The following DCC variants were observed in gnomAD, a reference collection of about 807,000 sequenced individuals.
DCC encodes the protein netrin receptor DCC.
In DCC, 58 loss-of-function variants were observed where a neutral mutation model predicts 172.5. The observed-to-expected ratio is 0.34, with a 90% CI of 0.27 to 0.42. The LOEUF is 0.42. DCC is among the 10% of genes least tolerant of loss of function. The pLI is 1.00. For synonymous variants in DCC, 709 were observed against 644.5 expected (o/e 1.10, Z -1.52); for missense variants, 1,740 against 1,791.0 (o/e 0.97, Z 0.51).
At chr18:53,273,483 C>A (rs757269710) in intron 12 of DCC, among the ~76,000 whole-genome samples, 1 of 152,040 alleles carries the variant, frequency 6.6e-6, no homozygotes, top group Non-Finnish European at 1.5e-5. Flanking sequence ...GAACATATAT[C>A]ATTAAAATCC....
chr18:53,279,889 G>A (rs933539520), intron 12 of DCC, among the ~76,000 whole-genome samples: 2 of 151,992 alleles, frequency 1.3e-5, no homozygotes, highest in Admixed American at 6.6e-5. Flanking sequence ...TAAACATTGA[G>A]TGCACATAGA....
rs114898292 is a variant in DCC, at chr18:53,109,439, T to C, written c.1261+43273T>C. Among the ~76,000 whole-genome samples the C allele has an allele frequency of 7.4e-3, 1,119 of 151,832 alleles. 16 individuals carry two copies. The highest frequency in any genetic ancestry group is 0.025 in the African/African-American group (1,050 of 41,490). On this transcript the variant is annotated intron_variant, in intron 7 of 28. Transcript: ENST00000442544. Reference sequence around the variant, plus strand: ...TTTATTATTTTTTAAAAATATTTTATAGTTTTCTGTGTGCAAGCCTTGCCA... The same window carrying C: ...TTTATTATTTTTTAAAAATATTTTACAGTTTTCTGTGTGCAAGCCTTGCCA...
At chr18:53,426,220 TATA>T (rs979949416) in intron 21 of DCC, among the ~76,000 whole-genome samples, 65 of 147,886 alleles carry the variant, frequency 4.4e-4, no homozygotes, top group Middle Eastern at 3.6e-3. Flanking sequence ...TTTCTTAAAA[TATA>T]TATGTATGTG....
intron 2 of DCC, among the ~76,000 whole-genome samples, chr18:52,765,167 G>A (rs1395398193): frequency 6.7e-6 from 1 of 149,688 alleles, no homozygotes; most frequent in Non-Finnish European, 1.5e-5. Flanking sequence ...CTGAGTATCT[G>A]GGATTACAGG....
chr18:53,482,172 A>C (rs954339812), intron 25 of DCC, among the ~76,000 whole-genome samples: 1 of 152,144 alleles, frequency 6.6e-6, no homozygotes, highest in East Asian at 1.9e-4. Context: ...TTACTTTAAG[A>C]ATGATTATTT....
intron 2 of DCC, among the ~76,000 whole-genome samples, chr18:52,781,262 T>C (rs1050520362): frequency 2.6e-5 from 4 of 152,086 alleles, no homozygotes; most frequent in African/African-American, 7.2e-5. Context: ...AAGGAAGTCA[T>C]AGAATTATTT....
intron 12 of DCC, among the ~76,000 whole-genome samples, chr18:53,281,133 C>T (rs1039458536): frequency 2.6e-5 from 4 of 151,988 alleles, no homozygotes; most frequent in Admixed American, 2.6e-4. Flanking sequence ...GTTTATAGCA[C>T]AATGTAGTAT....
intron 7 of DCC, among the ~76,000 whole-genome samples, chr18:53,094,657 C>A (rs4444405): frequency 0.68 from 103,486 of 151,974 alleles, 36,797 homozygotes; most frequent in African/African-American, 0.87. Context: ...AGAATGCATG[C>A]AGCTAATAGA....
chr18:52,366,572 A>C (rs1984866995), intron 1 of DCC, among the ~76,000 whole-genome samples: 1 of 152,118 alleles, frequency 6.6e-6, no homozygotes, highest in Admixed American at 6.5e-5. Flanking sequence ...TCTCCAGGGC[A>C]CCACCAGAGC....
chr18:52,884,901 T>C (rs1005876302), intron 2 of DCC, among the ~76,000 whole-genome samples: 2 of 152,206 alleles, frequency 1.3e-5, no homozygotes, highest in Non-Finnish European at 2.9e-5. Flanking sequence ...GCAGTGGTTC[T>C]TGCAGACTCA....
At chr18:53,468,497 C>A (rs1225937714) in intron 25 of DCC, among the ~76,000 whole-genome samples, 1 of 151,886 alleles carries the variant, frequency 6.6e-6, no homozygotes, top group Admixed American at 6.6e-5. Context: ...ATTCTCATGC[C>A]TCAGTCTTCC....
At chr18:53,325,666 T>C (rs1251912050) in intron 14 of DCC, among the ~76,000 whole-genome samples, 1 of 152,248 alleles carries the variant, frequency 6.6e-6, no homozygotes, top group African/African-American at 2.4e-5. Context: ...ATGCTTTTAA[T>C]TGGATTTGTT....
At chr18:52,378,909 C>T (rs769264031) in intron 1 of DCC, among the ~76,000 whole-genome samples, 1 of 152,118 alleles carries the variant, frequency 6.6e-6, no homozygotes, top group Non-Finnish European at 1.5e-5. Flanking sequence ...TAGCAATAGA[C>T]TCTTTCCCTC....
intron 7 of DCC, among the ~76,000 whole-genome samples, chr18:53,086,876 T>C (rs1218845325): frequency 6.6e-6 from 1 of 150,458 alleles, no homozygotes; most frequent in East Asian, 2.0e-4. Context: ...CTTGCAATAG[T>C]TTACTGACAA....
chr18:53,206,716 C>T (rs1432481709), intron 10 of DCC, among the ~76,000 whole-genome samples: 1 of 148,724 alleles, frequency 6.7e-6, no homozygotes, highest in Non-Finnish European at 1.5e-5. Flanking sequence ...TCCAGATTCT[C>T]AACTTCATGT....
chr18:52,610,168 AAAAAAAAAAAATATATATAT>A (rs2034231366), intron 1 of DCC, among the ~76,000 whole-genome samples: 1 of 23,050 alleles, frequency 4.3e-5, no homozygotes. Flanking sequence ...AAAAAAAAAA[AAAAAAAAAAAATATATATAT>A]ATATATATAT....
chr18:52,684,608 C>T (rs1028920192), intron 1 of DCC, among the ~76,000 whole-genome samples: 3 of 152,042 alleles, frequency 2.0e-5, no homozygotes, highest in Admixed American at 1.3e-4. Context: ...ATCAGTCAGT[C>T]GTGTGTTCCA....
intron 1 of DCC, among the ~76,000 whole-genome samples, chr18:52,750,187 A>G (rs914373489): frequency 6.6e-6 from 1 of 152,240 alleles, no homozygotes; most frequent in African/African-American, 2.4e-5. Flanking sequence ...CTTAGAGATC[A>G]TCTAGTTCAA....
intron 15 of DCC, among the ~76,000 whole-genome samples, chr18:53,346,183 T>C (rs987830159): frequency 5.9e-5 from 9 of 152,102 alleles, no homozygotes; most frequent in African/African-American, 2.4e-5. Context: ...TGTAGTAATA[T>C]ATACTTTTTT....
Sources: gnomAD v4.1 joint callset for allele counts (sites outside exome capture counted in the v4.1 genomes callset) on GRCh38, gnomAD v4.1.1 for gene constraint, MANE v1.5 for transcripts, NCBI Gene and HGNC (gene_info 2026-07-23, HGNC 2026-07-21) for gene names.